The following FRMD4A variants were observed in gnomAD, a reference collection of about 807,000 sequenced individuals.
FRMD4A encodes FERM domain containing 4A.
A neutral mutation model predicts 129.1 loss-of-function variants in FRMD4A; 29 were observed. That is an observed-to-expected ratio of 0.22 (90% CI 0.17 to 0.31). The LOEUF (loss-of-function observed/expected upper bound fraction) is 0.31, where lower values mean the gene tolerates loss of function less well. Among genes scored for constraint, FRMD4A ranks in the 10% least tolerant of loss-of-function variants. The probability of loss-of-function intolerance (pLI) is 1.00; values close to 1 mark genes in which losing one functional copy is unlikely to be tolerated. For synonymous variants in FRMD4A, 634 were observed against 571.6 expected, an observed-to-expected ratio of 1.11 and a Z score of -1.56; for missense variants, 1,272 against 1,375.8, an observed-to-expected ratio of 0.92 and a Z score of 1.19.
intron 2 of FRMD4A, among the ~76,000 whole-genome samples, chr10:14,267,638 AT>A (rs1174119501): frequency 7.2e-5 from 11 of 152,260 alleles, no homozygotes; most frequent in Non-Finnish European, 1.3e-4. Flanking sequence ...TTTAGAATAC[AT>A]GAATTTAAAA....
chr10:13,856,335 A>G (rs2094214007), intron 3 of FRMD4A, among the ~76,000 whole-genome samples: 1 of 151,772 alleles, frequency 6.6e-6, no homozygotes, highest in Admixed American at 6.6e-5. Context: ...AAGACATCTT[A>G]GGTTTGTCCA....
chr10:13,665,403 C>T (rs1302341343), intron 18 of FRMD4A, among the ~76,000 whole-genome samples: 2 of 151,946 alleles, frequency 1.3e-5, no homozygotes, highest in African/African-American at 4.8e-5. Context: ...ACACACATAC[C>T]TTTATGTGTG....
In FRMD4A at chr10:14,202,544, G is replaced by A. The variant is rs1041657879; in HGVS notation, c.45+127514C>T. Among the ~76,000 whole-genome samples the A allele has an allele frequency of 2.0e-5, 3 of 152,098 alleles. No individual in the cohort carries two copies. The East Asian group carries it at 5.8e-4, about 29-fold the overall frequency. ...AACCTCCCAAGTACGGGGATTACAG[G>A]TGAGCAGCACCACCCCCGGCTAATT... On this transcript the variant is annotated intron_variant, in intron 2 of 24. Coordinates refer to ENST00000357447, the MANE Select transcript of FRMD4A (RefSeq NM_018027.5).
In FRMD4A at chr10:13,659,397, G is replaced by C. The variant is rs776061907; in HGVS notation, c.1992C>G (p.His664Gln). 7 of 1,613,994 alleles carry C rather than the reference G, an allele frequency of 4.3e-6. No homozygotes were observed. In the African/African-American group the frequency reaches 9.3e-5, roughly 22 times the overall value. Residue 664 changes from histidine (H) to glutamine (Q), a missense_variant, in exon 21 of 25, where the codon CAC (histidine) becomes CAG (glutamine). Around this residue, in one of 2 missense-constraint regions of FRMD4A, gnomAD observed 972 missense variants for 892.3 expected, o/e 1.09. Transcript: ENST00000357447. Reference sequence around the variant, plus strand: ...ACGGCATGCTGGACTGGGAGTTCCAGTGCGGGAGGCCGCGGATGGGGCTGT... The same window carrying C: ...ACGGCATGCTGGACTGGGAGTTCCACTGCGGGAGGCCGCGGATGGGGCTGT... ...LQNSPIRGLP[H>Q]WNSQSSMPST...
intron 2 of FRMD4A, among the ~76,000 whole-genome samples, chr10:14,171,046 C>T (rs1309454110): frequency 7.1e-5 from 9 of 126,106 alleles, no homozygotes; most frequent in South Asian, 2.6e-4. Context: ...TTGTTTTTTG[C>T]GAGCCTCATT....
intron 2 of FRMD4A, among the ~76,000 whole-genome samples, chr10:14,320,849 C>A (rs545775348): frequency 6.6e-6 from 1 of 152,168 alleles, no homozygotes; most frequent in Admixed American, 6.5e-5. Flanking sequence ...CTTCCCACCC[C>A]GGGGCCATGG....
In FRMD4A at chr10:14,040,865, A is replaced by C. The variant is rs985125757; in HGVS notation, c.46-181953T>G. Among the ~76,000 whole-genome samples the C allele has an allele frequency of 2.0e-5, 3 of 152,156 alleles. 1 individual carries two copies. The highest frequency in any genetic ancestry group is 2.0e-4 in the Admixed American group (3 of 15,274). ...GGTGTTCCATTTAATGAGGTGTTGA[A>C]GGGAAGGTGGTTGAAAAAGAAATAT... is the stretch of plus-strand genomic sequence containing the variant. On this transcript the variant is annotated intron_variant, in intron 2 of 24. Transcript: ENST00000357447.
At chr10:14,206,809 C>CAAAAAAAAAAAA (rs57029013) in intron 2 of FRMD4A, among the ~76,000 whole-genome samples, 882 of 43,036 alleles carry the variant, frequency 0.02, 144 homozygotes, top group African/African-American at 0.089. Flanking sequence ...GACGCTATCT[C>CAAAAAAAAAAAA]AAAAAAAAAA....
Position 13,782,917 on chromosome 10 carries a change from C to A in FRMD4A, c.384+5G>T. The A allele has an allele frequency of 7.7e-7, 1 of 1,291,956 alleles. No homozygotes were observed. Among genetic ancestry groups the A allele is most frequent in the Non-Finnish European group, 1.1e-6 (1 of 885,584 alleles). The allele number at this position is 1,291,956 out of a possible 1,614,324, so 80.0% of individuals were successfully genotyped here. A position where few individuals can be genotyped will look rare whatever the true frequency, so the allele number is the denominator to read the frequency against. On this transcript the variant is annotated splice_donor_5th_base_variant and intron_variant, in intron 6 of 24. Transcript: ENST00000357447. ...GAGGGAAATTGAGGGAGAGGGAGTT[C>A]CTACCTTGTAGATGCAGGACTTCGC...
intron 15 of FRMD4A, among the ~76,000 whole-genome samples, chr10:13,689,938 G>A (rs1382859097): frequency 6.6e-6 from 1 of 152,036 alleles, no homozygotes; most frequent in Non-Finnish European, 1.5e-5. Context: ...CAATAACTGT[G>A]CATCAAACAC....
At chr10:13,971,652 C>T in intron 2 of FRMD4A, 1 of 1,299,814 alleles carries the variant, frequency 7.7e-7, no homozygotes, top group South Asian at 1.2e-5. Context: ...GCTTCTGGTC[C>T]CACCTGATAG....
intron 2 of FRMD4A, among the ~76,000 whole-genome samples, chr10:14,194,348 G>C (rs893995792): frequency 1.4e-4 from 22 of 152,112 alleles, no homozygotes; most frequent in Admixed American, 3.3e-4. Flanking sequence ...CAGTGGTTCA[G>C]GCCTGTAATC....
chr10:14,270,334 C>T (rs1357296905), intron 2 of FRMD4A, among the ~76,000 whole-genome samples: 1 of 152,168 alleles, frequency 6.6e-6, no homozygotes, highest in African/African-American at 2.4e-5. Flanking sequence ...TCTGGAAAAC[C>T]CTGACTCAAC....
intron 2 of FRMD4A, among the ~76,000 whole-genome samples, chr10:14,232,838 T>C (rs1421263846): frequency 6.6e-6 from 1 of 152,156 alleles, no homozygotes; most frequent in Non-Finnish European, 1.5e-5. Context: ...GACTTTAGGG[T>C]TTTCTAGGTA....
At chr10:13,814,311 C>A (rs1300411534) in intron 3 of FRMD4A, among the ~76,000 whole-genome samples, 1 of 152,004 alleles carries the variant, frequency 6.6e-6, no homozygotes, top group Non-Finnish European at 1.5e-5. Context: ...AACTTTAAGG[C>A]TGGGCACAGT....
intron 2 of FRMD4A, among the ~76,000 whole-genome samples, chr10:14,240,987 T>C (rs373473265): frequency 3.3e-5 from 5 of 152,266 alleles, no homozygotes; most frequent in African/African-American, 7.2e-5. Context: ...AATGTCTGCA[T>C]TGGTGGATTA....
intron 12 of FRMD4A, among the ~76,000 whole-genome samples, chr10:13,721,258 G>A (rs2089378439): frequency 6.6e-6 from 1 of 152,182 alleles, no homozygotes; most frequent in Non-Finnish European, 1.5e-5. Flanking sequence ...GAGGTGGGCG[G>A]ATCACCTGAG....
chr10:14,225,337 C>G (rs970093016), intron 2 of FRMD4A, among the ~76,000 whole-genome samples: 24 of 152,104 alleles, frequency 1.6e-4, no homozygotes, highest in African/African-American at 5.8e-4. Flanking sequence ...AAATCAACAC[C>G]TAATGGATTA....
rs976730019 is a variant in FRMD4A, at chr10:14,131,399, C to CCCA, written c.45+198658_45+198659insTGG. ...GCTCCTTAGCCCAACTCACTGTGCC[C>CCCA]CCCCCGGCCGCCCTGTTGTCTCTAG... On this transcript the variant is annotated intron_variant, in intron 2 of 24. Transcript: ENST00000357447. Among the ~76,000 whole-genome samples the CCCA allele has an allele frequency of 1.3e-4, 20 of 151,194 alleles. No homozygotes were observed. In the East Asian group the frequency reaches 1.4e-3, roughly 10 times the overall value.
Sources: allele counts gnomAD v4.1 joint callset (sites outside exome capture counted in the v4.1 genomes callset), GRCh38; gene constraint gnomAD v4.1.1; regional missense constraint gnomAD v4.1.1; transcripts MANE v1.5; gene names NCBI Gene and HGNC (gene_info 2026-07-23, HGNC 2026-07-21).